MEIS1: variants seen among roughly 807,000 people sequenced by gnomAD.
The protein encoded by MEIS1 is homeobox protein Meis1.
A neutral mutation model predicts 50.8 loss-of-function variants in MEIS1; 5 were observed. The ratio of observed to expected loss-of-function variants is 0.10; its 90% CI spans 0.05 to 0.21. The LOEUF is 0.21. Among genes scored for constraint, MEIS1 ranks in the 10% least tolerant of loss-of-function variants. The pLI is 1.00. For synonymous variants in MEIS1, 176 were observed against 179.3 expected (o/e 0.98, Z 0.15); for missense variants, 318 against 517.3 (o/e 0.61, Z 3.74).
At chr2:66,554,906 A>G (rs1675016854) in intron 9 of MEIS1, among the ~76,000 whole-genome samples, 2 of 152,242 alleles carry the variant, frequency 1.3e-5, no homozygotes, top group African/African-American at 2.4e-5. Context: ...TTATCACAAG[A>G]CATGAAAAAG....
chr2:66,447,402 A>T (rs1325242640), intron 6 of MEIS1, among the ~76,000 whole-genome samples: 1 of 152,142 alleles, frequency 6.6e-6, no homozygotes, highest in Admixed American at 6.5e-5. Context: ...TTTACATTTG[A>T]TTGTGTTGTG....
chr2:66,436,343 C>A (rs938821562), intron 1 of MEIS1, among the ~76,000 whole-genome samples: 1 of 152,148 alleles, frequency 6.6e-6, no homozygotes, highest in Non-Finnish European at 1.5e-5. Flanking sequence ...AGAAAACATT[C>A]ATCTTTTTAT....
chr2:66,549,427 G>T (rs555499796), intron 9 of MEIS1, among the ~76,000 whole-genome samples: 1 of 151,746 alleles, frequency 6.6e-6, no homozygotes, highest in African/African-American at 2.4e-5. Flanking sequence ...ATTTCTACCT[G>T]CTACTGTGTC....
chr2:66,527,874 T>C (rs147083355), intron 8 of MEIS1, among the ~76,000 whole-genome samples: 203 of 152,256 alleles, frequency 1.3e-3, no homozygotes, highest in Non-Finnish European at 2.1e-3. Context: ...AATGGGGTCA[T>C]TAAAAGTTTT....
intron 8 of MEIS1, among the ~76,000 whole-genome samples, chr2:66,513,606 A>G (rs1673885893): frequency 6.6e-6 from 1 of 152,154 alleles, no homozygotes; most frequent in South Asian, 2.1e-4. Flanking sequence ...TAAAAAAAAA[A>G]AAAAGTTTCC....
At chr2:66,461,785 A>G (rs1672524668) in intron 6 of MEIS1, 1 of 448,766 alleles carries the variant, frequency 2.2e-6, no homozygotes, top group Middle Eastern at 3.4e-4. Flanking sequence ...AATGCAATGA[A>G]TCGGAATGCC....
At chr2:66,564,019 A>G (rs1156393942) in intron 9 of MEIS1, among the ~76,000 whole-genome samples, 3 of 152,230 alleles carry the variant, frequency 2.0e-5, no homozygotes, top group South Asian at 2.1e-4. Flanking sequence ...AGTTGTTCAT[A>G]TAAGTGTAGT....
At chr2:66,498,599 G>A (rs1456564669) in intron 7 of MEIS1, among the ~76,000 whole-genome samples, 1 of 152,144 alleles carries the variant, frequency 6.6e-6, no homozygotes, top group Admixed American at 6.5e-5. Flanking sequence ...ATACCCATGA[G>A]GTCACCTACT....
chr2:66,526,657 A>G (rs1194395923), intron 8 of MEIS1, among the ~76,000 whole-genome samples: 2 of 152,226 alleles, frequency 1.3e-5, no homozygotes, highest in African/African-American at 4.8e-5. Flanking sequence ...GTAGGCATTT[A>G]TAATTTATGG....
At chr2:66,527,817 T>C (rs1421100217) in intron 8 of MEIS1, among the ~76,000 whole-genome samples, 1 of 152,138 alleles carries the variant, frequency 6.6e-6, no homozygotes, top group Non-Finnish European at 1.5e-5. Flanking sequence ...CCATAAATCA[T>C]GGCAAAACTT....
chr2:66,514,134 C>A (rs1363722306), intron 8 of MEIS1, among the ~76,000 whole-genome samples: 1 of 152,152 alleles, frequency 6.6e-6, no homozygotes, highest in African/African-American at 2.4e-5. Flanking sequence ...GAATAGATTT[C>A]TTCAGCCCCC....
intron 7 of MEIS1, among the ~76,000 whole-genome samples, chr2:66,500,840 A>T (rs990236658): frequency 6.8e-6 from 1 of 147,108 alleles, no homozygotes; most frequent in African/African-American, 2.7e-5. Flanking sequence ...GTTTGTATAT[A>T]CACACATATA....
At chr2:66,552,866 A>G (rs1674954764) in intron 9 of MEIS1, among the ~76,000 whole-genome samples, 1 of 152,210 alleles carries the variant, frequency 6.6e-6, no homozygotes. Context: ...TTATCCTTTC[A>G]ACTTCTGTGA....
In MEIS1 at chr2:66,571,829, G is replaced by A; in HGVS notation, c.*621G>A. ...AAAATGTGAAATTTTTCCACACTATGTGTGTTGTTTCCATAGCTCTTCACT... is the reference window on the plus strand; with the variant it reads ...AAAATGTGAAATTTTTCCACACTATATGTGTTGTTTCCATAGCTCTTCACT... On this transcript the variant is annotated 3_prime_UTR_variant, in exon 13 of 13. Transcript: ENST00000272369. The A allele has an allele frequency of 3.0e-6, 1 of 328,778 alleles. No homozygotes were observed. Among genetic ancestry groups the A allele is most frequent in the Non-Finnish European group, 5.5e-6 (1 of 180,552 alleles). 20.4% of individuals were successfully genotyped at this position (328,778 alleles called of 1,614,324 possible).
chr2:66,567,694 T>G, intron 10 of MEIS1, 183 bp downstream of exon 10: 2 of 683,942 alleles, frequency 2.9e-6, no homozygotes, highest in East Asian at 2.7e-5. Flanking sequence ...ATAAAACGTT[T>G]GGAGAAGGTG....
At chr2:66,452,557 T>C (rs561885024) in intron 6 of MEIS1, among the ~76,000 whole-genome samples, 2 of 152,058 alleles carry the variant, frequency 1.3e-5, no homozygotes, top group African/African-American at 4.8e-5. Context: ...ATTTTAATTG[T>C]CATAGTTTTC....
At chr2:66,522,061 T>C (rs1183786273) in intron 8 of MEIS1, among the ~76,000 whole-genome samples, 5 of 152,222 alleles carry the variant, frequency 3.3e-5, no homozygotes, top group Admixed American at 3.3e-4. Flanking sequence ...AAGGCATTAA[T>C]AGTTTAAAGG....
At chr2:66,453,594 A>G (rs920242666) in intron 6 of MEIS1, among the ~76,000 whole-genome samples, 34 of 152,030 alleles carry the variant, frequency 2.2e-4, no homozygotes, top group African/African-American at 6.8e-4. Flanking sequence ...TAACGTTGTC[A>G]GTGGGCTTAA....
At chr2:66,566,311 A>G (rs1675346128) in intron 9 of MEIS1, among the ~76,000 whole-genome samples, 1 of 152,174 alleles carries the variant, frequency 6.6e-6, no homozygotes, top group Non-Finnish European at 1.5e-5. Flanking sequence ...TGTCTGTTTA[A>G]TGGTTTGGTT....
Sources: allele counts gnomAD v4.1 joint callset (sites outside exome capture counted in the v4.1 genomes callset), GRCh38; gene constraint gnomAD v4.1.1; transcripts MANE v1.5; gene names NCBI Gene and HGNC (gene_info 2026-07-23, HGNC 2026-07-21).